Variants in RAB3C observed in about 807,000 individuals in gnomAD.
RAB3C encodes ras-related protein Rab-3C.
In RAB3C, 17 loss-of-function variants were observed where a neutral mutation model predicts 26.4. That is an observed-to-expected ratio of 0.64 (90% confidence interval 0.44 to 0.97). The LOEUF (loss-of-function observed/expected upper bound fraction) is 0.97, where lower values mean the gene tolerates loss of function less well. Ranked by LOEUF, RAB3C falls within the 50% of genes least tolerant of loss-of-function variation. The probability of loss-of-function intolerance (pLI) is 0.00; values close to 1 mark genes in which losing one functional copy is unlikely to be tolerated. For synonymous variants in RAB3C, 91 were observed against 95.9 expected (o/e 0.95, Z 0.30); for missense variants, 242 against 281.9 (o/e 0.86, Z 1.01).
chr5:58,762,898 A>G (rs1413756567), intron 3 of RAB3C, among the ~76,000 whole-genome samples: 1 of 152,204 alleles, frequency 6.6e-6, no homozygotes, highest in Non-Finnish European at 1.5e-5. Context: ...ATACAAATAT[A>G]AAATGAATAT....
intron 2 of RAB3C, among the ~76,000 whole-genome samples, chr5:58,660,886 A>G (rs1747891037): frequency 6.7e-6 from 1 of 150,252 alleles, no homozygotes; most frequent in African/African-American, 2.5e-5. Context: ...GTCAAATCCC[A>G]TTGGCAAGAG....
At chr5:58,656,203 G>A (rs1747769393) in intron 2 of RAB3C, among the ~76,000 whole-genome samples, 1 of 152,154 alleles carries the variant, frequency 6.6e-6, no homozygotes, top group South Asian at 2.1e-4. Flanking sequence ...ACAACTAGAA[G>A]TTTTGATCTA....
chr5:58,681,431 T>C (rs957491174), intron 2 of RAB3C, among the ~76,000 whole-genome samples: 3 of 152,256 alleles, frequency 2.0e-5, no homozygotes, highest in Admixed American at 6.5e-5. Flanking sequence ...AAAATTTGTA[T>C]TGTGATGAAG....
At chr5:58,827,628 CA>C (rs1743515951) in intron 4 of RAB3C, among the ~76,000 whole-genome samples, 2 of 152,178 alleles carry the variant, frequency 1.3e-5, no homozygotes, top group Admixed American at 1.3e-4. Context: ...AATTGTGAAG[CA>C]GAATGTTTTA....
chr5:58,799,314 T>TA (rs1191794589), intron 3 of RAB3C, among the ~76,000 whole-genome samples: 2 of 152,098 alleles, frequency 1.3e-5, no homozygotes, highest in African/African-American at 2.4e-5. Context: ...AAGTGAAAAC[T>TA]AGATGTATGG....
intron 2 of RAB3C, among the ~76,000 whole-genome samples, chr5:58,722,888 T>A (rs1373577583): frequency 6.6e-6 from 1 of 151,890 alleles, no homozygotes; most frequent in Non-Finnish European, 1.5e-5. Context: ...AAGCAAAGTA[T>A]AATAAAATAT....
chr5:58,582,362 G>C (rs1483627354), upstream of RAB3C: 1 of 983,778 alleles, frequency 1.0e-6, no homozygotes, highest in Non-Finnish European at 1.2e-6. Flanking sequence ...CCTTTGTAGC[G>C]AGGGCACTTG....
chr5:58,585,744 G>A, intron 1 of RAB3C, among the ~76,000 whole-genome samples: 1 of 152,080 alleles, frequency 6.6e-6, no homozygotes, highest in East Asian at 1.9e-4. Flanking sequence ...CCTATTTTAT[G>A]AAGAGTATTT....
At chr5:58,737,734 G>T (rs1254019454) in intron 3 of RAB3C, among the ~76,000 whole-genome samples, 2 of 151,884 alleles carry the variant, frequency 1.3e-5, no homozygotes, top group African/African-American at 2.4e-5. Context: ...AAAAAATGAT[G>T]ACTGAGAGCT....
chr5:58,685,734 ATTC>A (rs1748432534), intron 2 of RAB3C, among the ~76,000 whole-genome samples: 1 of 152,186 alleles, frequency 6.6e-6, no homozygotes, highest in Admixed American at 6.5e-5. Context: ...TGAGCTAGGC[ATTC>A]TTCTAGGAGC....
At chr5:58,746,675 G>A (rs1350535768) in intron 3 of RAB3C, among the ~76,000 whole-genome samples, 1 of 152,156 alleles carries the variant, frequency 6.6e-6, no homozygotes, top group African/African-American at 2.4e-5. Flanking sequence ...TACTGCTGCA[G>A]CTGCAGAGAG....
intron 2 of RAB3C, among the ~76,000 whole-genome samples, chr5:58,650,809 T>C (rs1272911573): frequency 6.6e-6 from 1 of 152,224 alleles, no homozygotes; most frequent in Non-Finnish European, 1.5e-5. Flanking sequence ...CTGAGACTTA[T>C]TTGGTAAATA....
Position 58,726,955 on chromosome 5 carries a change from G to A in RAB3C, c.371+835G>A, listed in dbSNP as rs1371953624. The stretch of plus-strand genomic sequence containing the variant: ...TTCTGTGGAAGGAGCGAGAATCTAG[G>A]TAGGGCTTTGTGTGACATTAGGAAG... On this transcript the variant is annotated intron_variant, in intron 3 of 4. Coordinates refer to ENST00000282878, the MANE Select transcript of RAB3C (RefSeq NM_138453.4). 3.7e-4 allele frequency among the ~76,000 whole-genome samples: 56 copies of A among 152,068 alleles called. 1 individual carries two copies. The highest frequency in any genetic ancestry group is 1.5e-5 in the Non-Finnish European group (1 of 67,936).
At chr5:58,693,336 GTATATATA>G (rs61291213) in intron 2 of RAB3C, among the ~76,000 whole-genome samples, 1 of 111,774 alleles carries the variant, frequency 8.9e-6, no homozygotes, top group Non-Finnish European at 1.8e-5. Flanking sequence ...ATATATATGT[GTATATATA>G]TATATATATA....
Position 58,854,115 on chromosome 5 carries a change from G to A in RAB3C, c.*2764G>A, listed in dbSNP as rs1331201641. ...CAATAGTCTAAATACATAAATAAATGCAGGTCATTTTTATCAATGGCCTAA... is the reference window on the plus strand; with the variant it reads ...CAATAGTCTAAATACATAAATAAATACAGGTCATTTTTATCAATGGCCTAA... On this transcript the variant is annotated 3_prime_UTR_variant, in exon 5 of 5. Coordinates refer to ENST00000282878, the MANE Select transcript of RAB3C (RefSeq NM_138453.4). 2 of 146,920 alleles carry A rather than the reference G, an allele frequency of 1.4e-5. No homozygotes were observed. The highest frequency in any genetic ancestry group is 2.6e-5 in the African/African-American group (1 of 39,140). The allele number at this position is 146,920 out of a possible 1,614,324, so 9.1% of individuals were successfully genotyped here.
At chr5:58,715,784 G>A (rs1157271302) in intron 2 of RAB3C, among the ~76,000 whole-genome samples, 1 of 152,118 alleles carries the variant, frequency 6.6e-6, no homozygotes, top group Non-Finnish European at 1.5e-5. Flanking sequence ...AGCCTGTACA[G>A]CACCATGAAG....
intron 1 of RAB3C, among the ~76,000 whole-genome samples, chr5:58,610,181 G>T (rs1746667897): frequency 1.8e-5 from 1 of 54,250 alleles, no homozygotes; most frequent in African/African-American, 7.3e-5. Context: ...AGAAAAAAAT[G>T]ATTTTTGTTT....
intron 2 of RAB3C, among the ~76,000 whole-genome samples, chr5:58,628,749 G>A (rs1747120664): frequency 6.6e-6 from 1 of 152,156 alleles, no homozygotes; most frequent in African/African-American, 2.4e-5. Flanking sequence ...TCCAGCACAA[G>A]AAAGAAGGGC....
At chr5:58,614,294 A>T (rs903945874) in intron 1 of RAB3C, among the ~76,000 whole-genome samples, 1 of 152,084 alleles carries the variant, frequency 6.6e-6, no homozygotes, top group South Asian at 2.1e-4. Context: ...CCTCTTTGAC[A>T]TTCGTATGCT....
Sources: gnomAD v4.1 joint callset for allele counts (sites outside exome capture counted in the v4.1 genomes callset) on GRCh38, gnomAD v4.1.1 for gene constraint, MANE v1.5 for transcripts, NCBI Gene and HGNC (gene_info 2026-07-23, HGNC 2026-07-21) for gene names.